Variants in ZMIZ1 observed in about 807,000 individuals in gnomAD.
ZMIZ1 encodes the protein zinc finger MIZ domain-containing protein 1.
A neutral mutation model predicts 113.9 loss-of-function variants in ZMIZ1; 17 were observed. That is an observed-to-expected ratio of 0.15 (90% CI 0.10 to 0.22). ZMIZ1 has a LOEUF of 0.22. ZMIZ1 is among the 10% of genes least tolerant of loss of function. The probability of loss-of-function intolerance (pLI) is 1.00; values close to 1 mark genes in which losing one functional copy is unlikely to be tolerated. For missense variants in ZMIZ1, 1,059 were observed against 1,477.8 expected (o/e 0.72, Z 4.65); for synonymous variants, 607 against 603.1 (o/e 1.01, Z -0.09).
intron 1 of ZMIZ1, among the ~76,000 whole-genome samples, chr10:79,078,912 G>T (rs1589247394): frequency 6.6e-6 from 1 of 151,928 alleles, no homozygotes; most frequent in African/African-American, 2.4e-5. Flanking sequence ...GGAAACGCCC[G>T]CGTAAACAGT....
chr10:79,276,270 G>A (rs1450631268), intron 7 of ZMIZ1, among the ~76,000 whole-genome samples: 2 of 152,218 alleles, frequency 1.3e-5, no homozygotes, highest in African/African-American at 2.4e-5. Context: ...CCAGCCCTCA[G>A]CGTCCTCATG....
intron 7 of ZMIZ1, among the ~76,000 whole-genome samples, chr10:79,221,174 G>A (rs1848951419): frequency 6.6e-6 from 1 of 152,238 alleles, no homozygotes; most frequent in African/African-American, 2.4e-5. Context: ...ATGAGATCAT[G>A]CAGTGAGTGA....
In ZMIZ1 at chr10:79,305,191, C is replaced by A. The variant is rs1045567570; in HGVS notation, c.2314C>A (p.Leu772Met). ...CTTTGATCTGGAGTCATACCTGCAG[C>A]TGAATTGCGAGAGAGGGACCTGGAG... is the stretch of plus-strand genomic sequence containing the variant. ...QCFDLESYLQ[L>M]NCERGTWRCP... The change falls in exon 20 of 25, where the codon CTG becomes ATG. Residue 772 changes from leucine to methionine, a missense_variant. By Grantham distance (15) the Leu-to-Met change is conservative. This residue lies in a region of ZMIZ1 where 217 missense variants were observed against 426.9 expected (regional missense o/e 0.51). Transcript: ENST00000334512. The A allele has an allele frequency of 5.6e-6, 9 of 1,614,026 alleles. No homozygotes were observed. In the African/African-American group the frequency reaches 1.1e-4, roughly 19 times the overall value.
chr10:79,158,686 G>C (rs1488056168), intron 3 of ZMIZ1, among the ~76,000 whole-genome samples: 2 of 152,210 alleles, frequency 1.3e-5, no homozygotes, highest in African/African-American at 4.8e-5. Context: ...ACATGACCGA[G>C]TGCCTCCACC....
intron 20 of ZMIZ1, 93 bp downstream of exon 20, chr10:79,305,324 C>A: frequency 6.9e-7 from 1 of 1,443,300 alleles, no homozygotes; most frequent in African/African-American, 1.4e-5. Context: ...GCCCTAAATG[C>A]AAACCAGAAC....
intron 4 of ZMIZ1, among the ~76,000 whole-genome samples, chr10:79,197,611 T>TAC (rs71482719): frequency 0.054 from 4,895 of 89,992 alleles, 204 homozygotes; most frequent in African/African-American, 0.12. Flanking sequence ...CACACACACA[T>TAC]ACACACACAC....
At chr10:79,225,545 C>T (rs1849165493) in intron 7 of ZMIZ1, among the ~76,000 whole-genome samples, 1 of 151,816 alleles carries the variant, frequency 6.6e-6, no homozygotes, top group South Asian at 2.1e-4. Context: ...GCCTGGACAT[C>T]ATAGTGAGAC....
intron 4 of ZMIZ1, among the ~76,000 whole-genome samples, chr10:79,174,047 T>C (rs1307723745): frequency 6.6e-6 from 1 of 152,242 alleles, no homozygotes; most frequent in Non-Finnish European, 1.5e-5. Context: ...CTCTTGCTCA[T>C]CCTCAGATTG....
chr10:79,071,392 A>C (rs771778410), intron 1 of ZMIZ1, among the ~76,000 whole-genome samples: 63 of 152,132 alleles, frequency 4.1e-4, no homozygotes, highest in Non-Finnish European at 8.4e-4. Flanking sequence ...TTTGCTTATT[A>C]CTGTTTTTGA....
intron 3 of ZMIZ1, among the ~76,000 whole-genome samples, chr10:79,147,325 A>G (rs1165023132): frequency 6.6e-6 from 1 of 152,214 alleles, no homozygotes; most frequent in Admixed American, 6.5e-5. Context: ...AGCCCTAAAT[A>G]GAGAGGGTGG....
rs188244330 is a variant in ZMIZ1 at position 79,273,447 on chromosome 10, C to T, written c.281-3734C>T. ...CGCGATCTCAGATCACTGCAGCCTC[C>T]ACCTCCCGAGGTCAAGCAATTCTGC... On this transcript the variant is annotated intron_variant, in intron 7 of 24. Transcript: ENST00000334512. Among the ~76,000 whole-genome samples, 97 of 152,332 alleles carry T rather than the reference C, an allele frequency of 6.4e-4. 1 individual carries two copies. The highest frequency in any genetic ancestry group is 1.4e-3 in the South Asian group (7 of 4,830).
chr10:79,261,500 G>C (rs949125476), intron 7 of ZMIZ1, among the ~76,000 whole-genome samples: 8 of 152,218 alleles, frequency 5.3e-5, no homozygotes, highest in Non-Finnish European at 8.8e-5. Flanking sequence ...GAAACAGGGA[G>C]CCTGGCCTGA....
chr10:79,277,588 C>A (rs936572591), intron 8 of ZMIZ1, among the ~76,000 whole-genome samples: 1 of 152,212 alleles, frequency 6.6e-6, no homozygotes, highest in African/African-American at 2.4e-5. Context: ...AAATTCTGAG[C>A]TCAGCACCTT....
At chr10:79,222,910 G>A (rs1336598635) in intron 7 of ZMIZ1, among the ~76,000 whole-genome samples, 1 of 152,202 alleles carries the variant, frequency 6.6e-6, no homozygotes, top group African/African-American at 2.4e-5. Flanking sequence ...CTTCTGCTCA[G>A]GACACCTTAA....
intron 17 of ZMIZ1, among the ~76,000 whole-genome samples, chr10:79,301,759 TGGA>T (rs1175561599): frequency 4.6e-5 from 7 of 152,040 alleles, no homozygotes; most frequent in African/African-American, 1.7e-4. Flanking sequence ...GAAGGCTTCC[TGGA>T]GGAGTGAAGG....
intron 3 of ZMIZ1, among the ~76,000 whole-genome samples, chr10:79,151,011 C>A (rs1845691435): frequency 2.0e-5 from 3 of 152,050 alleles, no homozygotes; most frequent in African/African-American, 7.2e-5. Flanking sequence ...AGGGAATCAA[C>A]TGTGTCTTAA....
At chr10:79,126,501 A>G (rs1844516841) in intron 2 of ZMIZ1, among the ~76,000 whole-genome samples, 1 of 152,156 alleles carries the variant, frequency 6.6e-6, no homozygotes, top group South Asian at 2.1e-4. Context: ...CTGTGAACCA[A>G]ACTGAAAGCA....
chr10:79,208,504 T>C, intron 6 of ZMIZ1, 55 bp downstream of exon 6: 1 of 1,469,006 alleles, frequency 6.8e-7, no homozygotes, highest in Admixed American at 1.8e-5. Context: ...AGCTGAGTGC[T>C]AGCGTGCCTG....
chr10:79,299,243 G>A (rs1243327286), intron 16 of ZMIZ1, 52 bp downstream of exon 16: 1 of 1,558,922 alleles, frequency 6.4e-7, no homozygotes, highest in Admixed American at 1.8e-5. Context: ...GAGGTCCCCT[G>A]GGATGGCTTC....
Sources: allele counts gnomAD v4.1 joint callset (sites outside exome capture counted in the v4.1 genomes callset), GRCh38; gene constraint gnomAD v4.1.1; regional missense constraint gnomAD v4.1.1; transcripts MANE v1.5; gene names NCBI Gene and HGNC (gene_info 2026-07-23, HGNC 2026-07-21).